UGT1A7: variants seen among roughly 807,000 people sequenced by gnomAD.
UGT1A7 encodes UDP-glucuronosyltransferase 1A7.
Under a neutral mutation model 45.6 loss-of-function variants are expected in UGT1A7, and 33 were observed. The observed-to-expected ratio is 0.72, with a 90% CI of 0.55 to 0.97. UGT1A7 has a LOEUF of 0.97. Ranked by LOEUF, UGT1A7 falls within the 50% of genes least tolerant of loss-of-function variation. UGT1A7 has a pLI of 0.00. For missense variants in UGT1A7, 684 were observed against 666.2 expected (o/e 1.03, Z -0.29); for synonymous variants, 274 against 250.6 (o/e 1.09, Z -0.88).
At chr2:233,709,625 TGTGA>T (rs2076085434) in intron 1 of UGT1A7, among the ~76,000 whole-genome samples, 1 of 152,234 alleles carries the variant, frequency 6.6e-6, no homozygotes, top group African/African-American at 2.4e-5. Flanking sequence ...GGTGTTTTGC[TGTGA>T]GTGTTTCTTG....
chr2:233,725,428 A>G (rs1391321502), intron 1 of UGT1A7, among the ~76,000 whole-genome samples: 1 of 151,952 alleles, frequency 6.6e-6, no homozygotes, highest in Non-Finnish European at 1.5e-5. Flanking sequence ...CAATAGAAAT[A>G]TAATGTAAGC....
intron 1 of UGT1A7, among the ~76,000 whole-genome samples, chr2:233,742,222 G>C (rs1373280517): frequency 2.0e-5 from 3 of 151,942 alleles, no homozygotes; most frequent in Non-Finnish European, 4.4e-5. Context: ...TCAGGGCTGA[G>C]AGCCCCAAAC....
intron 1 of UGT1A7, among the ~76,000 whole-genome samples, chr2:233,716,383 A>G (rs2076502558): frequency 6.6e-6 from 1 of 152,184 alleles, no homozygotes; most frequent in African/African-American, 2.4e-5. Flanking sequence ...TCTGCCTACC[A>G]CAGACACTAA....
chr2:233,717,321 G>T (rs563311292), intron 1 of UGT1A7, among the ~76,000 whole-genome samples: 1 of 152,328 alleles, frequency 6.6e-6, no homozygotes, highest in African/African-American at 2.4e-5. Flanking sequence ...AGCACTCTGT[G>T]TCCTCACAAA....
intron 1 of UGT1A7, among the ~76,000 whole-genome samples, chr2:233,707,630 A>G (rs573795071): frequency 6.6e-6 from 1 of 151,152 alleles, no homozygotes; most frequent in South Asian, 2.1e-4. Flanking sequence ...TACTGAATAT[A>G]TCCCATTGTA....
At position 233,767,071 on chromosome 2, in the gene UGT1A7, G is replaced by A. The variant is rs1451220464; in HGVS notation, c.893G>A (p.Gly298Glu). The A allele has an allele frequency of 2.3e-5, 37 of 1,614,098 alleles. No individual in the cohort carries two copies. The highest frequency in any genetic ancestry group is 3.1e-5 in the Non-Finnish European group (37 of 1,180,012). ...EAYINASGEHGIVVFSLGSMV... is the reference protein window; with the variant it reads ...EAYINASGEHEIVVFSLGSMV... Reference sequence around the variant, plus strand: ...TACATTAATGCTTCTGGAGAACATGGAATTGTGGTTTTCTCTTTGGGATCA... The same window carrying A: ...TACATTAATGCTTCTGGAGAACATGAAATTGTGGTTTTCTCTTTGGGATCA... The change falls in exon 2 of 5, where the codon GGA becomes GAA. Residue 298 changes from glycine to glutamate, a missense_variant. Transcript: ENST00000373426.
chr2:233,746,059 C>T (rs188125843), intron 1 of UGT1A7, among the ~76,000 whole-genome samples: 12 of 151,720 alleles, frequency 7.9e-5, no homozygotes, highest in Admixed American at 2.0e-4. Flanking sequence ...GGGTCTAGAA[C>T]GAAAAGAGAA....
At chr2:233,741,745 T>C (rs1691762813) in intron 1 of UGT1A7, 2 of 151,906 alleles carry the variant, frequency 1.3e-5, no homozygotes, top group African/African-American at 4.9e-5. Context: ...TCACACTCTT[T>C]GTTGGTTAAT....
chr2:233,748,006 A>T, intron 1 of UGT1A7: 1 of 1,613,448 alleles, frequency 6.2e-7, no homozygotes, highest in African/African-American at 1.3e-5. Context: ...GTGATGGATT[A>T]CCCCAGGCCG....
At chr2:233,697,963 A>G (rs2075419928) in intron 1 of UGT1A7, among the ~76,000 whole-genome samples, 2 of 152,206 alleles carry the variant, frequency 1.3e-5, no homozygotes, top group Non-Finnish European at 2.9e-5. Context: ...ATTTATTCTT[A>G]TTACAAAGAA....
At chr2:233,733,976 G>A (rs1421347211) in intron 1 of UGT1A7, among the ~76,000 whole-genome samples, 2 of 152,086 alleles carry the variant, frequency 1.3e-5, no homozygotes, top group Non-Finnish European at 2.9e-5. Context: ...GGAGCGGGGA[G>A]GGATAGCATT....
At chr2:233,759,366 G>C (rs1046941643) in intron 1 of UGT1A7, among the ~76,000 whole-genome samples, 1 of 152,134 alleles carries the variant, frequency 6.6e-6, no homozygotes, top group Non-Finnish European at 1.5e-5. Context: ...ACTATAAAAA[G>C]GTACAGGTTT....
intron 1 of UGT1A7, among the ~76,000 whole-genome samples, chr2:233,752,728 G>C (rs546811491): frequency 1.3e-5 from 2 of 152,320 alleles, no homozygotes; most frequent in South Asian, 4.1e-4. Flanking sequence ...AACAGCTACA[G>C]AGAGAGACCC....
intron 1 of UGT1A7, among the ~76,000 whole-genome samples, chr2:233,739,652 T>C: frequency 6.6e-6 from 1 of 152,236 alleles, no homozygotes; most frequent in African/African-American, 2.4e-5. Context: ...CCAATTTCTG[T>C]ACCCCCATTG....
At chr2:233,690,692 C>T in intron 1 of UGT1A7, 1 of 1,247,740 alleles carries the variant, frequency 8.0e-7, no homozygotes, top group Admixed American at 2.9e-5. Context: ...AGCGGAGCTA[C>T]TCTTTAGGGA....
rs1699793349 is a variant in UGT1A7 at position 233,769,122 on chromosome 2, A to G, written c.1295+683A>G. On this transcript the variant is annotated intron_variant, in intron 4 of 4. Transcript: ENST00000373426. The surrounding 1 kb of genome is among the most constrained non-coding windows in gnomAD (Gnocchi z 4.4). ...TAAGAGAAAAACAACTCAAATGCTTAGAAGTACAGCTTTTTGCAGCACTGG... is the reference window on the plus strand; with the variant it reads ...TAAGAGAAAAACAACTCAAATGCTTGGAAGTACAGCTTTTTGCAGCACTGG... Among the ~76,000 whole-genome samples, 1 of 152,252 alleles carries G rather than the reference A, an allele frequency of 6.6e-6. No individual in the cohort carries two copies. The highest frequency in any genetic ancestry group is 1.5e-5 in the Non-Finnish European group (1 of 68,050).
At chr2:233,710,843 G>T (rs1338950468) in intron 1 of UGT1A7, among the ~76,000 whole-genome samples, 1 of 152,164 alleles carries the variant, frequency 6.6e-6, no homozygotes, top group Admixed American at 6.5e-5. Flanking sequence ...AAAGGTGGGA[G>T]GATTTGTTTC....
chr2:233,708,055 C>T (rs77717552), intron 1 of UGT1A7, among the ~76,000 whole-genome samples: 1 of 152,108 alleles, frequency 6.6e-6, no homozygotes, highest in African/African-American at 2.4e-5. Flanking sequence ...AATATCTTCC[C>T]CCACTCTGCA....
chr2:233,709,769 A>G (rs1412530011), intron 1 of UGT1A7, among the ~76,000 whole-genome samples: 2 of 152,208 alleles, frequency 1.3e-5, no homozygotes, highest in African/African-American at 4.8e-5. Flanking sequence ...TATTATTTAC[A>G]TGCAATAAAG....
Sources: allele counts gnomAD v4.1 joint callset (sites outside exome capture counted in the v4.1 genomes callset), GRCh38; gene constraint gnomAD v4.1.1; non-coding constraint Gnocchi (gnomAD v3.1); transcripts MANE v1.5; gene names NCBI Gene and HGNC (gene_info 2026-07-23, HGNC 2026-07-21).